Variants in UBR3 observed in about 807,000 individuals in gnomAD.
UBR3 encodes the protein E3 ubiquitin-protein ligase UBR3.
In UBR3, 85 loss-of-function variants were observed where a neutral mutation model predicts 243.2. The observed-to-expected ratio is 0.35, with a 90% CI of 0.29 to 0.42. UBR3 has a LOEUF of 0.42. Ranked by LOEUF, UBR3 falls within the 10% of genes least tolerant of loss-of-function variation. UBR3 has a pLI of 1.00. For missense variants in UBR3, 1,686 were observed against 2,300.8 expected (o/e 0.73, Z 5.47); for synonymous variants, 748 against 799.8 (o/e 0.94, Z 1.09).
Position 169,923,947 on chromosome 2 carries a change from A to G in UBR3, c.1885A>G (p.Thr629Ala). ...FVDEPAPNQVTFHLPLHRYYA... is the reference protein window; with the variant it reads ...FVDEPAPNQVAFHLPLHRYYA... ...ATTCCAGCCAGCACCTAACCAAGTC[A>G]CTTTTCATCTGCCACTACATCGTTA... Residue 629 changes from threonine (T) to alanine (A), a missense_variant, in exon 12 of 39, where the codon ACT becomes GCT. Coordinates refer to ENST00000272793, the MANE Select transcript of UBR3 (RefSeq NM_172070.4). The G allele has an allele frequency of 3.2e-6, 5 of 1,547,792 alleles. No individual in the cohort carries two copies. The highest frequency in any genetic ancestry group is 4.4e-6 in the Non-Finnish European group (5 of 1,145,980).
chr2:169,828,307 G>A (rs2081812775), intron 1 of UBR3, among the ~76,000 whole-genome samples: 1 of 152,200 alleles, frequency 6.6e-6, no homozygotes. Flanking sequence ...GTGGGTAAAT[G>A]ATAGCGAGAA....
chr2:169,895,070 A>T (rs1042570903), intron 6 of UBR3, 111 bp from the exon 7 acceptor site: 2 of 1,035,628 alleles, frequency 1.9e-6, no homozygotes, highest in East Asian at 6.0e-5. Context: ...TATTGTAAGG[A>T]TATTTTTAAC....
chr2:169,881,906 TATATG>T (rs2083863322), intron 5 of UBR3, among the ~76,000 whole-genome samples: 1 of 45,944 alleles, frequency 2.2e-5, no homozygotes, highest in Non-Finnish European at 7.4e-5. Flanking sequence ...TACATATAGG[TATATG>T]TATATGTATA....
Position 169,828,049 on chromosome 2 carries a change from G to A in UBR3, c.542G>A (p.Ser181Asn), listed in dbSNP as rs1334049402. The A allele has an allele frequency of 2.2e-5, 30 of 1,384,442 alleles. No individual in the cohort carries two copies. The highest frequency in any genetic ancestry group is 4.5e-5 in the African/African-American group (3 of 66,634). The allele number at this position is 1,384,442 out of a possible 1,614,324, so 85.8% of individuals were successfully genotyped here. A position where few individuals can be genotyped will look rare whatever the true frequency, so the allele number is the denominator to read the frequency against. The change falls in exon 1 of 39, where the codon AGC becomes AAC. Residue 181 changes from serine (S) to asparagine (N), a missense_variant. Physicochemically the swap from Ser to Asn is conservative, Grantham distance 46. Around this residue, in one of 8 missense-constraint regions of UBR3, gnomAD observed 145 missense variants for 243.8 expected, o/e 0.59. Coordinates refer to ENST00000272793, the MANE Select transcript of UBR3 (RefSeq NM_172070.4). ...DCGDSNVMRESGFCKRHQIKS... is the reference protein window; with the variant it reads ...DCGDSNVMRENGFCKRHQIKS... ...GGGGACAGCAACGTGATGCGGGAGA[G>A]CGGGTGAGTGGAGCCCTCCCCGCGG...
At chr2:170,049,701 C>A (rs1162176390) in intron 32 of UBR3, among the ~76,000 whole-genome samples, 2 of 152,154 alleles carry the variant, frequency 1.3e-5, no homozygotes, top group Admixed American at 1.3e-4. Context: ...TATTGGATAT[C>A]CTTTTTCTCA....
chr2:169,985,022 A>C (rs2088932831), intron 24 of UBR3, among the ~76,000 whole-genome samples: 1 of 151,712 alleles, frequency 6.6e-6, no homozygotes, highest in Admixed American at 6.6e-5. Flanking sequence ...TTATTAAAAA[A>C]AAAAAGATCT....
intron 23 of UBR3, among the ~76,000 whole-genome samples, chr2:169,954,302 A>T (rs990280974): frequency 1.3e-5 from 2 of 151,774 alleles, no homozygotes; most frequent in Admixed American, 6.6e-5. Flanking sequence ...GTATAGTGGT[A>T]TGATCACGGC....
chr2:169,877,613 G>C lies in UBR3; in HGVS notation c.964G>C (p.Gly322Arg). The C allele has an allele frequency of 6.5e-7, 1 of 1,546,708 alleles. No individual in the cohort carries two copies. Among genetic ancestry groups the C allele is most frequent in the Non-Finnish European group, 8.7e-7 (1 of 1,145,946 alleles). Residue 322 changes from glycine (G) to arginine (R), a missense_variant, in exon 4 of 39, where the codon GGT (glycine) becomes CGT (arginine). This residue lies in a region of UBR3 where 200 missense variants were observed against 231.6 expected (regional missense o/e 0.86). Transcript: ENST00000272793. ...ATATGGTGTGCAGGAGCCATCTGCT[G>C]GTACTAGTTCTCTGGCTGTTCAAGG... Reference protein sequence around the residue: ...LVYGVQEPSAGTSSLAVQGFI... With the variant: ...LVYGVQEPSARTSSLAVQGFI...
intron 2 of UBR3, among the ~76,000 whole-genome samples, chr2:169,872,913 C>G (rs576182117): frequency 2.6e-5 from 4 of 151,934 alleles, no homozygotes; most frequent in Non-Finnish European, 5.9e-5. Context: ...TACAGATGTT[C>G]TTCTTACTTT....
intron 30 of UBR3, among the ~76,000 whole-genome samples, chr2:170,018,138 T>C (rs770415539): frequency 3.9e-5 from 6 of 152,210 alleles, no homozygotes; most frequent in Non-Finnish European, 8.8e-5. Context: ...GACACTCTAC[T>C]GTACAACATT....
At position 169,899,541 on chromosome 2, in the gene UBR3, G is replaced by A. The variant is rs150108807; in HGVS notation, c.1465+2806G>A. The stretch of plus-strand genomic sequence containing the variant: ...TTTTTAATTATACTTTAAGGTCTGG[G>A]GTACATGTACAGAATGCGCAGGTTT... On this transcript the variant is annotated intron_variant, in intron 8 of 38. Coordinates refer to ENST00000272793, the MANE Select transcript of UBR3 (RefSeq NM_172070.4). Among the ~76,000 whole-genome samples, 265 of 151,740 alleles carry A rather than the reference G, an allele frequency of 1.7e-3. 1 individual carries two copies. Among genetic ancestry groups the A allele is most frequent in the African/African-American group, 6.3e-3 (260 of 41,318 alleles).
At chr2:169,859,173 A>G (rs1315551365) in intron 1 of UBR3, among the ~76,000 whole-genome samples, 1 of 133,988 alleles carries the variant, frequency 7.5e-6, no homozygotes, top group Non-Finnish European at 1.5e-5. Context: ...TGCAAGCTCC[A>G]CCATTCTCCT....
chr2:169,994,583 TA>T, intron 26 of UBR3, 127 bp downstream of exon 26: 1 of 1,012,388 alleles, frequency 9.9e-7, no homozygotes, highest in South Asian at 1.7e-5. Context: ...AGAAAAAAAT[TA>T]ATATGTGGAT....
chr2:169,974,535 T>C (rs1307284786), intron 24 of UBR3, among the ~76,000 whole-genome samples: 1 of 152,160 alleles, frequency 6.6e-6, no homozygotes, highest in Non-Finnish European at 1.5e-5. Context: ...TCTGATTTTA[T>C]TTTGAGTCTT....
intron 11 of UBR3, among the ~76,000 whole-genome samples, chr2:169,917,926 C>A (rs1811544): frequency 0.42 from 64,355 of 152,002 alleles, 15,224 homozygotes; most frequent in Non-Finnish European, 0.54. Context: ...TGGTCTCGAA[C>A]TTTTGACCTC....
chr2:170,037,261 G>A (rs967261631), intron 31 of UBR3, among the ~76,000 whole-genome samples: 2 of 152,058 alleles, frequency 1.3e-5, no homozygotes, highest in Non-Finnish European at 2.9e-5. Flanking sequence ...GATTTATTAT[G>A]TCTAGTTATC....
chr2:170,033,575 A>ACC (rs1464993635), intron 31 of UBR3, among the ~76,000 whole-genome samples: 22 of 15,898 alleles, frequency 1.4e-3, no homozygotes, highest in South Asian at 2.8e-3. Context: ...TGGTTTTTCC[A>ACC]CACCCACCCC....
At chr2:169,884,098 T>C (rs910643678) in intron 5 of UBR3, among the ~76,000 whole-genome samples, 20 of 151,872 alleles carry the variant, frequency 1.3e-4, no homozygotes, top group African/African-American at 4.8e-4. Context: ...CTCCCAAAGT[T>C]CTGGGATTAG....
chr2:170,036,721 T>G (rs1456177028), intron 31 of UBR3, among the ~76,000 whole-genome samples: 1 of 152,154 alleles, frequency 6.6e-6, no homozygotes, highest in African/African-American at 2.4e-5. Context: ...ATATGAATGA[T>G]TCTCCATGGT....
Sources: allele counts gnomAD v4.1 joint callset (sites outside exome capture counted in the v4.1 genomes callset), GRCh38; gene constraint gnomAD v4.1.1; regional missense constraint gnomAD v4.1.1; transcripts MANE v1.5; gene names NCBI Gene and HGNC (gene_info 2026-07-23, HGNC 2026-07-21).